Variants in LPAR3 observed in about 807,000 individuals in gnomAD.
The protein encoded by LPAR3 is lysophosphatidic acid receptor 3, also known as LPA receptor 3.
In LPAR3, 7 loss-of-function variants were observed where a neutral mutation model predicts 17.8. The ratio of observed to expected loss-of-function variants is 0.39; its 90% CI spans 0.22 to 0.74. The LOEUF is 0.74. Ranked by LOEUF, LPAR3 falls within the 30% of genes least tolerant of loss-of-function variation. LPAR3 has a pLI of 0.40. For missense variants in LPAR3, 391 were observed against 453.4 expected, an observed-to-expected ratio of 0.86 and a Z score of 1.25; for synonymous variants, 179 against 179.9, an observed-to-expected ratio of 0.99 and a Z score of 0.04.
At chr1:84,842,141 C>G (rs1297326724) in intron 2 of LPAR3, among the ~76,000 whole-genome samples, 1 of 152,218 alleles carries the variant, frequency 6.6e-6, no homozygotes, top group Non-Finnish European at 1.5e-5. Context: ...GTAATCTCCA[C>G]ACCCTTGGGT....
intron 2 of LPAR3, among the ~76,000 whole-genome samples, chr1:84,827,626 T>C (rs962732843): frequency 6.6e-6 from 1 of 152,174 alleles, no homozygotes; most frequent in Non-Finnish European, 1.5e-5. Context: ...GCCATACCCG[T>C]GGTCCCTGTG....
intron 2 of LPAR3, among the ~76,000 whole-genome samples, chr1:84,828,534 A>C (rs541506087): frequency 2.0e-5 from 3 of 152,300 alleles, no homozygotes; most frequent in African/African-American, 7.2e-5. Flanking sequence ...TAGTAAGAGC[A>C]CAGTGCTCAA....
chr1:84,813,581 T>C lies in LPAR3; in HGVS notation c.*265A>G, dbSNP rs2102741837. Reference sequence around the variant, plus strand: ...GGTGCCAGAACCCAGAAGGCCCAGCTGGACTGACAGGAGCTCTGAGCAGTT... The same window carrying C: ...GGTGCCAGAACCCAGAAGGCCCAGCCGGACTGACAGGAGCTCTGAGCAGTT... On this transcript the variant is annotated 3_prime_UTR_variant, in exon 3 of 3. Transcript: ENST00000370611. 2.6e-6 allele frequency: 1 copy of C among 380,502 alleles called. No homozygotes were observed. The highest frequency in any genetic ancestry group is 4.7e-6 in the Non-Finnish European group (1 of 210,554). 23.6% of individuals were successfully genotyped at this position (380,502 alleles called of 1,614,324 possible).
At chr1:84,876,496 G>A (rs184086761) in intron 1 of LPAR3, among the ~76,000 whole-genome samples, 9 of 152,188 alleles carry the variant, frequency 5.9e-5, no homozygotes, top group African/African-American at 2.2e-4. Flanking sequence ...ACCACTATCA[G>A]GCATCCCTCT....
chr1:84,814,784 C>T (rs561100042), intron 2 of LPAR3, among the ~76,000 whole-genome samples: 8 of 152,262 alleles, frequency 5.3e-5, no homozygotes, highest in East Asian at 3.9e-4. Context: ...GACATATTCA[C>T]GGGCCATCTG....
intron 2 of LPAR3, among the ~76,000 whole-genome samples, chr1:84,858,640 C>T (rs1302891999): frequency 1.3e-5 from 2 of 152,176 alleles, no homozygotes; most frequent in Non-Finnish European, 2.9e-5. Context: ...TGAAAAGCCA[C>T]TTACCTTCCC....
At chr1:84,890,873 C>A (rs1018179383) in intron 1 of LPAR3, among the ~76,000 whole-genome samples, 8 of 152,168 alleles carry the variant, frequency 5.3e-5, no homozygotes, top group Non-Finnish European at 1.2e-4. Flanking sequence ...GGAGAAGCAG[C>A]CAGCCTTAGG....
At position 84,813,158 on chromosome 1, in the gene LPAR3, T is replaced by TAGAGAGAGAGAGAGAG. The variant is rs1553145910; in HGVS notation, c.*687_*688insCTCTCTCTCTCTCTCT. The TAGAGAGAGAGAGAGAG allele has an allele frequency of 1.6e-3, 163 of 101,676 alleles. No homozygotes were observed. The highest frequency in any genetic ancestry group is 3.2e-3 in the African/African-American group (86 of 27,192). 6.3% of individuals were successfully genotyped at this position (101,676 alleles called of 1,614,324 possible). On this transcript the variant is annotated 3_prime_UTR_variant, in exon 3 of 3. Transcript: ENST00000370611. ...ATATATATATATATATATATATATA[T>TAGAGAGAGAGAGAGAG]AGACACACACACACACACACACACA...
chr1:84,869,901 A>G (rs996722980), intron 1 of LPAR3, among the ~76,000 whole-genome samples: 2 of 152,220 alleles, frequency 1.3e-5, no homozygotes, highest in African/African-American at 2.4e-5. Flanking sequence ...TTTCTACTTA[A>G]TCTTCACATA....
At chr1:84,865,103 T>TAGCAC (rs1457306357) in intron 2 of LPAR3, among the ~76,000 whole-genome samples, 1 of 152,144 alleles carries the variant, frequency 6.6e-6, no homozygotes, top group Non-Finnish European at 1.5e-5. Flanking sequence ...CTGCTTAGCT[T>TAGCAC]AGCACTCTCC....
At chr1:84,840,948 C>T (rs1659493219) in intron 2 of LPAR3, among the ~76,000 whole-genome samples, 1 of 152,158 alleles carries the variant, frequency 6.6e-6, no homozygotes, top group African/African-American at 2.4e-5. Flanking sequence ...AAAGAAGATA[C>T]AGAAACACAG....
chr1:84,886,389 G>A (rs753021091), intron 1 of LPAR3, among the ~76,000 whole-genome samples: 2 of 152,132 alleles, frequency 1.3e-5, no homozygotes, highest in Non-Finnish European at 2.9e-5. Context: ...AGCCGGGAAT[G>A]GTGGTGAGCA....
At chr1:84,883,161 A>T (rs1266473368) in intron 1 of LPAR3, among the ~76,000 whole-genome samples, 1 of 152,318 alleles carries the variant, frequency 6.6e-6, no homozygotes, top group East Asian at 1.9e-4. Context: ...TAGCAAATGT[A>T]AAGCCCCAGT....
chr1:84,852,468 GGCAGATGAAACCCATT>G (rs1209966251), intron 2 of LPAR3, among the ~76,000 whole-genome samples: 1 of 152,150 alleles, frequency 6.6e-6, no homozygotes, highest in African/African-American at 2.4e-5. Flanking sequence ...TGGAAGGCAA[GGCAGATGAAACCCATT>G]GCAGAGATCC....
intron 2 of LPAR3, among the ~76,000 whole-genome samples, chr1:84,815,026 C>A (rs748944910): frequency 6.6e-6 from 1 of 152,284 alleles, no homozygotes; most frequent in Admixed American, 6.5e-5. Context: ...ATAGCAATAA[C>A]GACTCATCTT....
At chr1:84,891,769 A>G (rs1303482510) in intron 1 of LPAR3, among the ~76,000 whole-genome samples, 2 of 152,230 alleles carry the variant, frequency 1.3e-5, no homozygotes, top group Non-Finnish European at 2.9e-5. Flanking sequence ...TCTCTGATAC[A>G]GACTAAGTTG....
chr1:84,827,830 G>A lies in LPAR3; in HGVS notation c.737-13659C>T, dbSNP rs140525497. 3.6e-3 allele frequency among the ~76,000 whole-genome samples: 555 copies of A among 152,186 alleles called. 3 individuals carry two copies. Among genetic ancestry groups the A allele is most frequent in the African/African-American group, 0.013 (522 of 41,528 alleles). On this transcript the variant is annotated intron_variant, in intron 2 of 2. Coordinates refer to ENST00000370611, the MANE Select transcript of LPAR3 (RefSeq NM_012152.3). The stretch of plus-strand genomic sequence containing the variant: ...AGGACATTTTCTACCATGGGTGTAG[G>A]TGCTAAAAGATTGTTTTATAGATTA...
intron 2 of LPAR3, among the ~76,000 whole-genome samples, chr1:84,860,969 C>T (rs1659929423): frequency 6.6e-6 from 1 of 151,990 alleles, no homozygotes; most frequent in South Asian, 2.1e-4. Flanking sequence ...AAACTCCTGA[C>T]CTCAAGTGAT....
chr1:84,815,531 T>C (rs1658916961), intron 2 of LPAR3, among the ~76,000 whole-genome samples: 1 of 152,148 alleles, frequency 6.6e-6, no homozygotes, highest in Non-Finnish European at 1.5e-5. Flanking sequence ...CTAAGAGATA[T>C]AATACCAAGC....
Sources: gnomAD v4.1 joint callset for allele counts (sites outside exome capture counted in the v4.1 genomes callset) on GRCh38, gnomAD v4.1.1 for gene constraint, MANE v1.5 for transcripts, NCBI Gene and HGNC (gene_info 2026-07-23, HGNC 2026-07-21) for gene names.